The following ADGRL2 variants were observed in gnomAD, a reference collection of about 807,000 sequenced individuals.
ADGRL2 encodes the protein adhesion G protein-coupled receptor L2.
In ADGRL2, 44 loss-of-function variants were observed where a neutral mutation model predicts 157.4. The observed-to-expected ratio is 0.28, with a 90% confidence interval of 0.22 to 0.36. The LOEUF (loss-of-function observed/expected upper bound fraction) is 0.36, where lower values mean the gene tolerates loss of function less well. Among genes scored for constraint, ADGRL2 ranks in the 10% least tolerant of loss-of-function variants. The pLI is 1.00. For synonymous variants in ADGRL2, 585 were observed against 624.7 expected (o/e 0.94, Z 0.95); for missense variants, 1,510 against 1,768.9 (o/e 0.85, Z 2.63).
chr1:81,313,862 C>T (rs1031366080), intron 1 of ADGRL2, among the ~76,000 whole-genome samples: 10 of 151,834 alleles, frequency 6.6e-5, no homozygotes, highest in Admixed American at 5.3e-4. Flanking sequence ...TCATTGATTC[C>T]CTCATCATTG....
intron 3 of ADGRL2, among the ~76,000 whole-genome samples, chr1:81,621,699 G>A (rs1194596622): frequency 6.6e-6 from 1 of 152,218 alleles, no homozygotes; most frequent in Non-Finnish European, 1.5e-5. Flanking sequence ...ACCCTAAGAA[G>A]AGGACTTGTC....
At chr1:81,458,165 T>C (rs146816020) in intron 2 of ADGRL2, among the ~76,000 whole-genome samples, 143 of 152,306 alleles carry the variant, frequency 9.4e-4, no homozygotes, top group African/African-American at 3.3e-3. Flanking sequence ...GTTTGGCAAA[T>C]AGACCTGAAA....
chr1:81,886,403 C>T (rs1276234710), intron 2 of ADGRL2, among the ~76,000 whole-genome samples: 1 of 152,168 alleles, frequency 6.6e-6, no homozygotes, highest in Non-Finnish European at 1.5e-5. Flanking sequence ...ATCTCCTGAC[C>T]TCGTGATCTG....
intron 9 of ADGRL2, 41 bp from the exon 10 acceptor site, chr1:81,952,946 A>G: frequency 1.3e-6 from 2 of 1,535,580 alleles, no homozygotes; most frequent in Non-Finnish European, 1.8e-6. Context: ...TTCAGCAGAT[A>G]AAAATCTAAC....
At chr1:81,392,241 A>AC (rs1391627243) in intron 1 of ADGRL2, among the ~76,000 whole-genome samples, 1 of 151,542 alleles carries the variant, frequency 6.6e-6, no homozygotes, top group African/African-American at 2.4e-5. Flanking sequence ...AAAAAAAACA[A>AC]AGAAGCAACA....
intron 1 of ADGRL2, among the ~76,000 whole-genome samples, chr1:81,823,886 A>G (rs2091229342): frequency 6.6e-6 from 1 of 152,182 alleles, no homozygotes; most frequent in African/African-American, 2.4e-5. Context: ...AAAACCACGA[A>G]GTTAAAAAAG....
chr1:81,384,223 T>A (rs986065466), intron 1 of ADGRL2, among the ~76,000 whole-genome samples: 2 of 152,182 alleles, frequency 1.3e-5, no homozygotes, highest in African/African-American at 4.8e-5. Flanking sequence ...TATAATGGCA[T>A]GTTATGCAGC....
chr1:81,721,578 A>C (rs901068720), intron 1 of ADGRL2: 2 of 513,450 alleles, frequency 3.9e-6, no homozygotes, highest in African/African-American at 1.9e-5. Context: ...CAACATGGCA[A>C]ACCCCAGTTT....
intron 2 of ADGRL2, among the ~76,000 whole-genome samples, chr1:81,468,883 A>C (rs1427229924): frequency 6.6e-6 from 1 of 152,208 alleles, no homozygotes; most frequent in Non-Finnish European, 1.5e-5. Context: ...CATCACAATC[A>C]CAAAAGTAAA....
chr1:81,465,602 A>T (rs910534753), intron 2 of ADGRL2, among the ~76,000 whole-genome samples: 1 of 151,842 alleles, frequency 6.6e-6, no homozygotes, highest in African/African-American at 2.4e-5. Context: ...AAAATGAAAA[A>T]TTTTTCTAGA....
intron 2 of ADGRL2, among the ~76,000 whole-genome samples, chr1:81,855,515 A>G (rs1025074216): frequency 2.0e-5 from 3 of 152,136 alleles, no homozygotes; most frequent in African/African-American, 7.2e-5. Flanking sequence ...TTATTTTATC[A>G]GTATTTTGAT....
chr1:81,937,408 G>A (rs1043722299), intron 4 of ADGRL2, among the ~76,000 whole-genome samples: 3 of 151,762 alleles, frequency 2.0e-5, no homozygotes, highest in African/African-American at 2.4e-5. Flanking sequence ...TAATTTTGCA[G>A]CATCATTTTT....
chr1:81,629,263 T>A lies in ADGRL2; in HGVS notation c.-143+48283T>A, dbSNP rs561964440. Among the ~76,000 whole-genome samples, 62 of 152,302 alleles carry A rather than the reference T, an allele frequency of 4.1e-4. No homozygotes were observed. The South Asian group carries it at 0.012, about 30-fold the overall frequency. ...TTCAAAGAGGAAGATGATAATACCATGCATATGGCAGTTAAATATATTTTT... is the reference window on the plus strand; with the variant it reads ...TTCAAAGAGGAAGATGATAATACCAAGCATATGGCAGTTAAATATATTTTT... On this transcript the variant is annotated intron_variant, in intron 3 of 24. Transcript: ENST00000370721.
chr1:81,936,854 T>A lies in ADGRL2; in HGVS notation c.397+17T>A. 6.8e-7 allele frequency: 1 copy of A among 1,475,004 alleles called. No homozygotes were observed. The highest frequency in any genetic ancestry group is 9.5e-7 in the Non-Finnish European group (1 of 1,054,204). 91.4% of individuals were successfully genotyped at this position (1,475,004 alleles called of 1,614,324 possible). A position where few individuals can be genotyped will look rare whatever the true frequency, so the allele number is the denominator to read the frequency against. ...TCCCTTACAGTAAGTATGCAGTTTA[T>A]ATTTTTTTACACTTTGCCCAGCATT... On this transcript the variant is annotated intron_variant, in intron 4 of 23. Transcript: ENST00000686636.
chr1:81,357,528 T>C (rs1399751839), intron 1 of ADGRL2, among the ~76,000 whole-genome samples: 1 of 152,212 alleles, frequency 6.6e-6, no homozygotes, highest in Non-Finnish European at 1.5e-5. Context: ...TTTACTTTTT[T>C]GTAGTGTGAT....
intron 3 of ADGRL2, among the ~76,000 whole-genome samples, chr1:81,932,715 C>T (rs1302604595): frequency 2.6e-5 from 4 of 151,520 alleles, no homozygotes; most frequent in Non-Finnish European, 4.4e-5. Flanking sequence ...TTTTTTTTGA[C>T]GGAGTTTCAC....
intron 2 of ADGRL2, among the ~76,000 whole-genome samples, chr1:81,901,906 T>C (rs75564562): frequency 0.024 from 3,691 of 152,306 alleles, 59 homozygotes; most frequent in Non-Finnish European, 0.036. Flanking sequence ...TTATTTTCCA[T>C]CAGTTGTTTT....
chr1:81,815,530 A>C (rs2090309631), intron 1 of ADGRL2, among the ~76,000 whole-genome samples: 1 of 151,852 alleles, frequency 6.6e-6, no homozygotes, highest in African/African-American at 2.4e-5. Flanking sequence ...TACATTCCAA[A>C]AGCACTTTTC....
chr1:81,652,503 G>C (rs909191091), intron 3 of ADGRL2, among the ~76,000 whole-genome samples: 1 of 152,124 alleles, frequency 6.6e-6, no homozygotes, highest in Admixed American at 6.5e-5. Context: ...AAATCCACTT[G>C]TGCCTTCATT....
Sources: allele counts gnomAD v4.1 joint callset (sites outside exome capture counted in the v4.1 genomes callset), GRCh38; gene constraint gnomAD v4.1.1; transcripts MANE v1.5; gene names NCBI Gene and HGNC (gene_info 2026-07-23, HGNC 2026-07-21).